Variants in UBE2H observed in about 807,000 individuals in gnomAD.
UBE2H encodes ubiquitin-conjugating enzyme E2 H.
In UBE2H, 3 loss-of-function variants were observed where a neutral mutation model predicts 29.0. The ratio of observed to expected loss-of-function variants is 0.10; its 90% CI spans 0.05 to 0.27. The LOEUF (loss-of-function observed/expected upper bound fraction) is 0.27, where lower values mean the gene tolerates loss of function less well. UBE2H is among the 10% of genes least tolerant of loss of function. The probability of loss-of-function intolerance (pLI) is 1.00; values close to 1 mark genes in which losing one functional copy is unlikely to be tolerated. For synonymous variants in UBE2H, 69 were observed against 82.9 expected (o/e 0.83, Z 0.91); for missense variants, 68 against 228.2 (o/e 0.30, Z 4.52).
At chr7:129,841,842 A>G (rs2116273118) in intron 5 of UBE2H, among the ~76,000 whole-genome samples, 1 of 152,284 alleles carries the variant, frequency 6.6e-6, no homozygotes, top group Admixed American at 6.5e-5. Context: ...GCAAAACAAA[A>G]ATCACCTTCC....
chr7:129,849,313 C>G (rs1805567129), intron 5 of UBE2H, among the ~76,000 whole-genome samples: 1 of 152,232 alleles, frequency 6.6e-6, no homozygotes, highest in South Asian at 2.1e-4. Context: ...CGCAGTGGCT[C>G]ACGCCTGTAA....
At chr7:129,895,280 G>T (rs538678863) in intron 1 of UBE2H, among the ~76,000 whole-genome samples, 1 of 152,128 alleles carries the variant, frequency 6.6e-6, no homozygotes, top group Non-Finnish European at 1.5e-5. Context: ...GGAAGCACAG[G>T]CGGAAGACCT....
chr7:129,915,399 T>C (rs1443480304), intron 1 of UBE2H, among the ~76,000 whole-genome samples: 1 of 152,196 alleles, frequency 6.6e-6, no homozygotes, highest in South Asian at 2.1e-4. Context: ...CCGGGTGTGG[T>C]GGCGGGCACC....
At chr7:129,861,278 G>A (rs950215377) in intron 3 of UBE2H, among the ~76,000 whole-genome samples, 1 of 151,882 alleles carries the variant, frequency 6.6e-6, no homozygotes, top group Non-Finnish European at 1.5e-5. Context: ...AAGGGACAAT[G>A]TGCTTCTATA....
intron 1 of UBE2H, among the ~76,000 whole-genome samples, 196 bp downstream of exon 1, chr7:129,952,307 T>C (rs1461693666): frequency 6.6e-6 from 1 of 151,774 alleles, no homozygotes; most frequent in East Asian, 2.0e-4. Flanking sequence ...TTCGGGGTGC[T>C]GCGGAGAAAA....
intron 3 of UBE2H, among the ~76,000 whole-genome samples, chr7:129,860,074 AAG>A (rs1465594856): frequency 6.6e-6 from 1 of 152,208 alleles, no homozygotes; most frequent in Non-Finnish European, 1.5e-5. Context: ...GTAAAATGGG[AAG>A]AGTCAGGAAA....
chr7:129,945,534 C>G (rs555110562), intron 1 of UBE2H, among the ~76,000 whole-genome samples: 6 of 152,238 alleles, frequency 3.9e-5, no homozygotes, highest in African/African-American at 1.2e-4. Context: ...AAAACAAGAG[C>G]CCGCTGAGTG....
chr7:129,930,894 C>T (rs62491534), intron 1 of UBE2H, among the ~76,000 whole-genome samples: 7,399 of 94,836 alleles, frequency 0.078, 372 homozygotes, highest in East Asian at 0.28. Context: ...GGTGAGAGAG[C>T]GAGACCCCGT....
intron 1 of UBE2H, among the ~76,000 whole-genome samples, chr7:129,884,514 G>A (rs1806319813): frequency 6.6e-6 from 1 of 150,550 alleles, no homozygotes; most frequent in Non-Finnish European, 1.5e-5. Context: ...CTGCATATAT[G>A]TTTCCTGGAA....
intron 1 of UBE2H, chr7:129,949,022 A>G: frequency 2.2e-6 from 1 of 456,692 alleles, no homozygotes; most frequent in South Asian, 1.5e-5. Flanking sequence ...GCGGCCAATG[A>G]GCGCTGAGGA....
intron 1 of UBE2H, among the ~76,000 whole-genome samples, chr7:129,913,963 G>A (rs1806992171): frequency 6.6e-6 from 1 of 152,078 alleles, no homozygotes; most frequent in South Asian, 2.1e-4. Flanking sequence ...AATGGAATCT[G>A]GACACTAGGA....
At chr7:129,944,184 G>A (rs932643492) in intron 1 of UBE2H, among the ~76,000 whole-genome samples, 4 of 151,474 alleles carry the variant, frequency 2.6e-5, no homozygotes, top group East Asian at 2.0e-4. Context: ...GTGAAACCCT[G>A]TCGCTACTAA....
At chr7:129,889,076 G>A (rs1432006264) in intron 1 of UBE2H, among the ~76,000 whole-genome samples, 1 of 152,154 alleles carries the variant, frequency 6.6e-6, no homozygotes, top group Non-Finnish European at 1.5e-5. Context: ...TTTTTATTTT[G>A]ATGAGTGGAC....
In UBE2H at chr7:129,831,001, C is replaced by T. The variant is rs1179536860; in HGVS notation, c.*3936G>A. The T allele has an allele frequency of 2.0e-5, 3 of 151,800 alleles. No homozygotes were observed. Among genetic ancestry groups the T allele is most frequent in the African/African-American group, 7.3e-5 (3 of 41,270 alleles). 9.4% of individuals were successfully genotyped at this position (151,800 alleles called of 1,614,324 possible). On this transcript the variant is annotated 3_prime_UTR_variant, in exon 7 of 7. Transcript: ENST00000355621. ...CCAAATACAATCTGTAAATAATGGC[C>T]ATTTCTTCCCAAGCCCACAGCCAAG...
intron 5 of UBE2H, chr7:129,839,781 A>G (rs2116267558): frequency 5.8e-6 from 1 of 173,280 alleles, no homozygotes; most frequent in Non-Finnish European, 1.2e-5. Context: ...TGCAATCCTG[A>G]CTCACTGAAA....
chr7:129,898,942 C>T (rs746285116), intron 1 of UBE2H, among the ~76,000 whole-genome samples: 7 of 151,982 alleles, frequency 4.6e-5, no homozygotes, highest in Non-Finnish European at 8.8e-5. Flanking sequence ...TGTTTATATA[C>T]ACACACATCC....
intron 6 of UBE2H, 64 bp downstream of exon 6, chr7:129,839,143 T>TA: frequency 6.3e-7 from 1 of 1,575,710 alleles, no homozygotes; most frequent in Non-Finnish European, 8.6e-7. Context: ...GAAGGACTTT[T>TA]AATGACTGAA....
intron 2 of UBE2H, among the ~76,000 whole-genome samples, chr7:129,880,400 G>A (rs547084425): frequency 2.0e-5 from 3 of 152,276 alleles, no homozygotes; most frequent in East Asian, 1.9e-4. Flanking sequence ...CAGCTACTTC[G>A]AAGGCTGAGG....
intron 1 of UBE2H, among the ~76,000 whole-genome samples, chr7:129,904,206 C>T (rs1156671967): frequency 6.6e-6 from 1 of 152,190 alleles, no homozygotes; most frequent in Non-Finnish European, 1.5e-5. Context: ...AGGGCCTTTG[C>T]AATGGCTATT....
Sources: allele counts gnomAD v4.1 joint callset (sites outside exome capture counted in the v4.1 genomes callset), GRCh38; gene constraint gnomAD v4.1.1; transcripts MANE v1.5; gene names NCBI Gene and HGNC (gene_info 2026-07-23, HGNC 2026-07-21).